DUOX1: variants seen among roughly 807,000 people sequenced by gnomAD.
DUOX1 encodes the protein dual oxidase 1, also known as NADPH thyroid oxidase 1.
In DUOX1, 134 loss-of-function variants were observed where a neutral mutation model predicts 181.8. That is an observed-to-expected ratio of 0.74 (90% confidence interval 0.64 to 0.85). The LOEUF (loss-of-function observed/expected upper bound fraction) is 0.85, where lower values mean the gene tolerates loss of function less well. Ranked by LOEUF, DUOX1 falls within the 40% of genes least tolerant of loss-of-function variation. The pLI, the probability that DUOX1 is intolerant of heterozygous loss-of-function variation, is 0.00. For synonymous variants in DUOX1, 798 were observed against 832.5 expected, an observed-to-expected ratio of 0.96 and a Z score of 0.71; for missense variants, 1,814 against 2,064.4, an observed-to-expected ratio of 0.88 and a Z score of 2.35.
intron 31 of DUOX1, 46 bp from the exon 32 acceptor site, chr15:45,163,486 G>T: frequency 6.2e-7 from 1 of 1,611,070 alleles, no homozygotes; most frequent in South Asian, 1.1e-5. Context: ...GGGGTTTAGG[G>T]AGACTGAGCT....
rs143051498 is a variant in DUOX1 at position 45,136,578 on chromosome 15, C to T, written c.975C>T (p.Ala325=). The T allele has an allele frequency of 8.3e-5, 134 of 1,614,028 alleles. No homozygotes were observed. The highest frequency in any genetic ancestry group is 1.0e-4 in the Non-Finnish European group (120 of 1,180,038). ...GCATCTCCTCAGAGTTCGTGGCGGC[C>T]TCTGAGCAGTTCCTGTCCACCATGG... The part of the protein sequence containing the change: ...DPSISSEFVA[A]SEQFLSTMVP... Residue 325 remains alanine (A), a synonymous_variant, in exon 9 of 34, where the codon GCC becomes GCT. Coordinates refer to ENST00000389037, the MANE Select transcript of DUOX1 (RefSeq NM_175940.3).
chr15:45,154,594 G>GTT (rs1322334060), intron 27 of DUOX1, among the ~76,000 whole-genome samples: 2 of 36,908 alleles, frequency 5.4e-5, no homozygotes, highest in Non-Finnish European at 7.6e-5. Flanking sequence ...AACACAGCAT[G>GTT]GTTTTTTTTT....
At chr15:45,152,664 A>C in intron 25 of DUOX1, 148 bp downstream of exon 25, 1 of 763,286 alleles carries the variant, frequency 1.3e-6, no homozygotes, top group Admixed American at 2.4e-5. Flanking sequence ...GTGTGAAGTA[A>C]GCCCGGGAGC....
At chr15:45,160,025 G>A (rs1329100369) in intron 28 of DUOX1, among the ~76,000 whole-genome samples, 1 of 152,136 alleles carries the variant, frequency 6.6e-6, no homozygotes, top group Non-Finnish European at 1.5e-5. Context: ...GGTGGCAGGT[G>A]CCTGTAATCC....
At position 45,163,678 on chromosome 15, in the gene DUOX1, C is replaced by A. The variant is rs182815499; in HGVS notation, c.4395C>A (p.Thr1465=). The part of the protein sequence containing the change: ...TQLAEKFDLR[T]TMLYICERHF... ...TGGCTGAGAAGTTCGACCTCAGGAC[C>A]ACTATGCTGGTATGTCAGGGCCCAC... Residue 1465 remains threonine (T), a synonymous_variant, in exon 32 of 34, where the codon ACC becomes ACA. Coordinates refer to ENST00000389037, the MANE Select transcript of DUOX1 (RefSeq NM_175940.3). 9.3e-6 allele frequency: 15 copies of A among 1,614,112 alleles called. No individual in the cohort carries two copies. The East Asian group carries it at 3.1e-4, about 34-fold the overall frequency.
chr15:45,151,269 A>T, intron 23 of DUOX1, 21 bp downstream of exon 23: 1 of 1,609,690 alleles, frequency 6.2e-7, no homozygotes, highest in Non-Finnish European at 8.5e-7. Flanking sequence ...TCTTCCCCTT[A>T]AGCCCAGGCA....
chr15:45,134,074 A>G, intron 3 of DUOX1, 71 bp from the exon 4 acceptor site: 1 of 1,546,676 alleles, frequency 6.5e-7, no homozygotes, highest in East Asian at 2.3e-5. Context: ...GACATGGAGG[A>G]AAGCCTGGGA....
Position 45,148,225 on chromosome 15 carries a change from T to C in DUOX1, c.2643-47T>C, listed in dbSNP as rs754382805. On this transcript the variant is annotated intron_variant, in intron 20 of 33. Transcript: ENST00000389037. ...GGAGTCAGTGTGTCCTGTGTCTGGGTCGCAGGCCCCAGTCAGGGCCGGATG... is the reference window on the plus strand; with the variant it reads ...GGAGTCAGTGTGTCCTGTGTCTGGGCCGCAGGCCCCAGTCAGGGCCGGATG... The C allele has an allele frequency of 2.5e-6, 4 of 1,611,004 alleles. No homozygotes were observed. The Admixed American group carries it at 6.7e-5, about 27-fold the overall frequency.
chr15:45,162,508 T>C (rs566460703), intron 31 of DUOX1, 131 bp downstream of exon 31: 3 of 1,212,822 alleles, frequency 2.5e-6, no homozygotes, highest in African/African-American at 1.5e-5. Context: ...GTTTGAAACC[T>C]GGGGTTGGGT....
rs976956620 is a variant in DUOX1, at chr15:45,161,617, G to T, written c.3857-121G>T. 4.6e-6 allele frequency: 4 copies of T among 871,916 alleles called. No homozygotes were observed. The East Asian group carries it at 1.1e-4, about 23-fold the overall frequency. The allele number at this position is 871,916 out of a possible 1,614,324, so 54.0% of individuals were successfully genotyped here. On this transcript the variant is annotated intron_variant, in intron 29 of 33. Transcript: ENST00000389037. ...GGCCCCCACAGGGTGAGCTTCTGAT[G>T]GGGGAGGCCTCCTTTGTCATATTCC...
chr15:45,141,204 T>G, intron 13 of DUOX1, 88 bp from the exon 14 acceptor site: 1 of 1,569,436 alleles, frequency 6.4e-7, no homozygotes. Flanking sequence ...CCTCTGGGTC[T>G]CTTTTCTCAC....
chr15:45,150,799 C>A, intron 22 of DUOX1, 98 bp downstream of exon 22: 1 of 1,147,456 alleles, frequency 8.7e-7, no homozygotes, highest in Non-Finnish European at 1.3e-6. Flanking sequence ...GCCCATGCAG[C>A]ACCTTCAAAC....
Position 45,162,299 on chromosome 15 carries a change from T to C in DUOX1, c.4170T>C (p.Ile1390=), listed in dbSNP as rs746787162. ...TGTCAGTGTTAGTGGGAGGGGGCAT[T>C]GGGGTCACCCCTTTTGCCTCCATCC... ...FEVSVLVGGG[I]GVTPFASILK... is the part of the protein sequence containing the mutation. The change falls in exon 31 of 34, where the codon ATT becomes ATC. Residue 1390 remains isoleucine, a synonymous_variant. Coordinates refer to ENST00000389037, the MANE Select transcript of DUOX1 (RefSeq NM_175940.3). 6.2e-7 allele frequency: 1 copy of C among 1,614,028 alleles called. No individual in the cohort carries two copies. Among genetic ancestry groups the C allele is most frequent in the Non-Finnish European group, 8.5e-7 (1 of 1,179,976 alleles).
At chr15:45,157,967 T>C (rs1897005059) in intron 28 of DUOX1, among the ~76,000 whole-genome samples, 1 of 151,866 alleles carries the variant, frequency 6.6e-6, no homozygotes, top group African/African-American at 2.4e-5. Flanking sequence ...CGTGACCACT[T>C]GACTTCAAGC....
In DUOX1 at chr15:45,144,096, G is replaced by A; in HGVS notation, c.1997G>A (p.Gly666Glu). The part of the protein sequence containing the change: ...CRPVLVYLQP[G>E]QIRVVDGRLT... ...CCCGTGCTTGTGTACCTGCAGCCCGGGCAGATCCGTGTGGTAGATGGCAGG... is the reference window on the plus strand; with the variant it reads ...CCCGTGCTTGTGTACCTGCAGCCCGAGCAGATCCGTGTGGTAGATGGCAGG... Residue 666 changes from glycine (G) to glutamate (E), a missense_variant, in exon 17 of 34, where the codon GGG (glycine) becomes GAG (glutamate). Physicochemically the swap from Gly to Glu is moderately conservative, Grantham distance 98. Transcript: ENST00000389037. 2.5e-6 allele frequency: 4 copies of A among 1,614,026 alleles called. No homozygotes were observed. The highest frequency in any genetic ancestry group is 2.2e-5 in the South Asian group (2 of 91,090).
chr15:45,136,571 T>C lies in DUOX1; in HGVS notation c.968T>C (p.Val323Ala). 6.2e-7 allele frequency: 1 copy of C among 1,614,148 alleles called. No individual in the cohort carries two copies. Among genetic ancestry groups the C allele is most frequent in the South Asian group, 1.1e-5 (1 of 91,072 alleles). The change falls in exon 9 of 34, where the codon GTG (valine) becomes GCG (alanine). Residue 323 changes from valine (V) to alanine (A), a missense_variant. Physicochemically the swap from Val to Ala is moderately conservative, Grantham distance 64. Around this residue, in one of 5 missense-constraint regions of DUOX1, gnomAD observed 1,064 missense variants for 1,152.9 expected, o/e 0.92. Coordinates refer to ENST00000389037, the MANE Select transcript of DUOX1 (RefSeq NM_175940.3). ...FLDPSISSEF[V>A]AASEQFLSTM... ...GACCCCAGCATCTCCTCAGAGTTCG[T>C]GGCGGCCTCTGAGCAGTTCCTGTCC...
At chr15:45,141,180 C>T (rs1193414529) in intron 13 of DUOX1, 110 bp downstream of exon 13, 1 of 1,561,916 alleles carries the variant, frequency 6.4e-7, no homozygotes, top group South Asian at 1.1e-5. Flanking sequence ...CAGCCCACCA[C>T]CCACTTCCCA....
At chr15:45,135,007 T>G in intron 4 of DUOX1, 97 bp from the exon 5 acceptor site, 5 of 1,455,116 alleles carry the variant, frequency 3.4e-6, no homozygotes, top group Non-Finnish European at 4.7e-6. Context: ...TGCTGAGTCT[T>G]TTGAAGCTTC....
chr15:45,151,530 TC>T (rs1262268945), intron 23 of DUOX1, among the ~76,000 whole-genome samples: 1 of 152,000 alleles, frequency 6.6e-6, no homozygotes, highest in Non-Finnish European at 1.5e-5. Context: ...GGAAGAGGTG[TC>T]CTTTGAGTCT....
Sources: allele counts gnomAD v4.1 joint callset (sites outside exome capture counted in the v4.1 genomes callset), GRCh38; gene constraint gnomAD v4.1.1; regional missense constraint gnomAD v4.1.1; transcripts MANE v1.5; gene names NCBI Gene and HGNC (gene_info 2026-07-23, HGNC 2026-07-21).